Variants in CDH10 observed in about 807,000 individuals in gnomAD.
CDH10 encodes cadherin 10.
Under a neutral mutation model 73.1 loss-of-function variants are expected in CDH10, and 30 were observed. The observed-to-expected ratio is 0.41, with a 90% CI of 0.31 to 0.56. CDH10 has a LOEUF of 0.56. Among genes scored for constraint, CDH10 ranks in the 20% least tolerant of loss-of-function variants. CDH10 has a pLI of 0.27. For synonymous variants in CDH10, 345 were observed against 348.2 expected (o/e 0.99, Z 0.10); for missense variants, 815 against 973.7 (o/e 0.84, Z 2.17).
intron 8 of CDH10, among the ~76,000 whole-genome samples, chr5:24,499,694 A>AC (rs1390374618): frequency 6.7e-6 from 1 of 150,202 alleles, no homozygotes; most frequent in Non-Finnish European, 1.5e-5. Flanking sequence ...CTCAGAAAAA[A>AC]AAAAAATGAT....
intron 2 of CDH10, among the ~76,000 whole-genome samples, chr5:24,558,601 A>G (rs1448630438): frequency 6.6e-6 from 1 of 151,800 alleles, no homozygotes; most frequent in African/African-American, 2.4e-5. Context: ...TATATACTTG[A>G]AGATATAATA....
At chr5:24,504,609 T>C (rs1742630452) in intron 8 of CDH10, among the ~76,000 whole-genome samples, 1 of 140,062 alleles carries the variant, frequency 7.1e-6, no homozygotes, top group Non-Finnish European at 1.5e-5. Context: ...CACTGCAACC[T>C]CTGCCTCCCA....
At chr5:24,588,510 C>A (rs1015423974) in intron 2 of CDH10, among the ~76,000 whole-genome samples, 8 of 152,082 alleles carry the variant, frequency 5.3e-5, no homozygotes, top group African/African-American at 1.9e-4. Context: ...TCATATAATG[C>A]AAAGATTTTC....
At chr5:24,551,244 T>C (rs1454295012) in intron 2 of CDH10, among the ~76,000 whole-genome samples, 1 of 152,194 alleles carries the variant, frequency 6.6e-6, no homozygotes, top group African/African-American at 2.4e-5. Flanking sequence ...CCCTCACTTA[T>C]AATTTTATAG....
At chr5:24,570,126 A>C (rs1745323308) in intron 2 of CDH10, among the ~76,000 whole-genome samples, 1 of 152,054 alleles carries the variant, frequency 6.6e-6, no homozygotes, top group South Asian at 2.1e-4. Flanking sequence ...TTTTCTGTTA[A>C]ATTGGGAATC....
intron 5 of CDH10, among the ~76,000 whole-genome samples, chr5:24,529,467 G>A (rs1004028297): frequency 2.0e-5 from 3 of 151,710 alleles, no homozygotes; most frequent in African/African-American, 7.3e-5. Flanking sequence ...CCTTTAAGTG[G>A]GGAAATTTTT....
At chr5:24,515,323 A>G (rs1743066204) in intron 5 of CDH10, among the ~76,000 whole-genome samples, 1 of 152,174 alleles carries the variant, frequency 6.6e-6, no homozygotes, top group Admixed American at 6.5e-5. Flanking sequence ...TATTTATGGA[A>G]AAGAAAATTC....
Position 24,492,937 on chromosome 5 carries a change from G to GA in CDH10, c.1516-13dup, listed in dbSNP as rs1339670768. 21 of 1,002,568 alleles carry GA rather than the reference G, an allele frequency of 2.1e-5. 1 individual carries two copies. Among genetic ancestry groups the GA allele is most frequent in the Admixed American group, 8.5e-5 (5 of 58,590 alleles). 62.1% of individuals were successfully genotyped at this position (1,002,568 alleles called of 1,614,324 possible). On this transcript the variant is annotated splice_polypyrimidine_tract_variant and intron_variant, in intron 9 of 11. Transcript: ENST00000264463. Reference sequence around the variant, plus strand: ...ATAGTCTGTATTAGCTGCAGAAAAAGAAAAATATATCTCATCAATATATCT... The same window carrying GA: ...ATAGTCTGTATTAGCTGCAGAAAAAGAAAAAATATATCTCATCAATATATCT...
chr5:24,571,179 C>G (rs78221514), intron 2 of CDH10, among the ~76,000 whole-genome samples: 3,197 of 152,112 alleles, frequency 0.021, 53 homozygotes, highest in Middle Eastern at 0.051. Context: ...AATCTGAGGA[C>G]TGTATACATG....
chr5:24,574,663 G>T, intron 2 of CDH10, among the ~76,000 whole-genome samples: 1 of 83,806 alleles, frequency 1.2e-5, no homozygotes, highest in Non-Finnish European at 3.6e-5. Flanking sequence ...TGTCACAAAG[G>T]AAGTAACACC....
At chr5:24,625,901 T>G (rs1747480122) in intron 1 of CDH10, among the ~76,000 whole-genome samples, 1 of 151,922 alleles carries the variant, frequency 6.6e-6, no homozygotes, top group African/African-American at 2.4e-5. Context: ...TGAAAAAATT[T>G]TACTATCCTT....
chr5:24,581,146 A>AC (rs1042547994), intron 2 of CDH10, among the ~76,000 whole-genome samples: 2 of 151,658 alleles, frequency 1.3e-5, no homozygotes, highest in East Asian at 1.9e-4. Flanking sequence ...GATTCTGGGC[A>AC]CCCCCCGACC....
intron 1 of CDH10, among the ~76,000 whole-genome samples, chr5:24,601,069 T>C (rs1007203017): frequency 2.6e-5 from 4 of 152,190 alleles, no homozygotes; most frequent in African/African-American, 9.6e-5. Context: ...TATTATATGT[T>C]AGATAATTTT....
chr5:24,561,779 T>C (rs1382605690), intron 2 of CDH10, among the ~76,000 whole-genome samples: 1 of 152,050 alleles, frequency 6.6e-6, no homozygotes, highest in Non-Finnish European at 1.5e-5. Flanking sequence ...CTGAAGAAGC[T>C]CAAGCTTGGA....
At chr5:24,563,342 G>T (rs1408668101) in intron 2 of CDH10, among the ~76,000 whole-genome samples, 2 of 128,654 alleles carry the variant, frequency 1.6e-5, no homozygotes, top group East Asian at 4.2e-4. Flanking sequence ...TGACAGGTGC[G>T]TTTCCACTTA....
At chr5:24,537,158 G>T (rs916925415) in intron 3 of CDH10, among the ~76,000 whole-genome samples, 2 of 151,788 alleles carry the variant, frequency 1.3e-5, no homozygotes, top group African/African-American at 4.8e-5. Flanking sequence ...TTTGAGGAGA[G>T]TGTCTACCTA....
chr5:24,508,950 G>C (rs1028668227), intron 7 of CDH10, among the ~76,000 whole-genome samples: 2 of 152,138 alleles, frequency 1.3e-5, no homozygotes, highest in African/African-American at 4.8e-5. Flanking sequence ...CTAGGGATCA[G>C]AACAATAAAC....
chr5:24,529,689 C>T (rs567053456), intron 5 of CDH10, among the ~76,000 whole-genome samples: 1 of 151,916 alleles, frequency 6.6e-6, no homozygotes, highest in African/African-American at 2.4e-5. Flanking sequence ...ACCCTGCATA[C>T]ATATGAGAGA....
At chr5:24,592,033 T>C (rs768711606) in intron 2 of CDH10, among the ~76,000 whole-genome samples, 2 of 151,864 alleles carry the variant, frequency 1.3e-5, no homozygotes, top group Non-Finnish European at 2.9e-5. Flanking sequence ...ATAAGATCTA[T>C]GAAAAGCCTG....
Sources: gnomAD v4.1 joint callset for allele counts (sites outside exome capture counted in the v4.1 genomes callset) on GRCh38, gnomAD v4.1.1 for gene constraint, MANE v1.5 for transcripts, NCBI Gene and HGNC (gene_info 2026-07-23, HGNC 2026-07-21) for gene names.